Variants in STXBP5L observed in about 807,000 individuals in gnomAD.
STXBP5L encodes syntaxin-binding protein 5-like.
In STXBP5L, 65 loss-of-function variants were observed where a neutral mutation model predicts 144.5. The ratio of observed to expected loss-of-function variants is 0.45; its 90% confidence interval spans 0.37 to 0.55. The LOEUF (loss-of-function observed/expected upper bound fraction) is 0.55, where lower values mean the gene tolerates loss of function less well. Ranked by LOEUF, STXBP5L falls within the 20% of genes least tolerant of loss-of-function variation. The probability of loss-of-function intolerance (pLI) is 0.00; values close to 1 mark genes in which losing one functional copy is unlikely to be tolerated. For missense variants in STXBP5L, 1,298 were observed against 1,405.5 expected, an observed-to-expected ratio of 0.92 and a Z score of 1.22; for synonymous variants, 505 against 469.6, an observed-to-expected ratio of 1.08 and a Z score of -0.97.
At chr3:121,032,487 T>A (rs550909972) in intron 3 of STXBP5L, among the ~76,000 whole-genome samples, 210 of 151,880 alleles carry the variant, frequency 1.4e-3, no homozygotes, top group African/African-American at 4.6e-3. Flanking sequence ...AACCTAGGCA[T>A]TACCATTCAG....
At chr3:121,193,807 G>C (rs2047805361) in intron 9 of STXBP5L, among the ~76,000 whole-genome samples, 1 of 151,996 alleles carries the variant, frequency 6.6e-6, no homozygotes, top group African/African-American at 2.4e-5. Context: ...GGAACATCAT[G>C]CATGGGGGCC....
chr3:121,208,509 A>AT (rs1301979787), intron 10 of STXBP5L, among the ~76,000 whole-genome samples: 1 of 151,952 alleles, frequency 6.6e-6, no homozygotes, highest in Non-Finnish European at 1.5e-5. Context: ...TAACAAAAAA[A>AT]CCCACTGTTT....
intron 20 of STXBP5L, among the ~76,000 whole-genome samples, chr3:121,344,805 A>G (rs192500014): frequency 3.9e-5 from 6 of 151,978 alleles, no homozygotes. Flanking sequence ...AGGGAAATCA[A>G]TTGATACTAT....
intron 11 of STXBP5L, among the ~76,000 whole-genome samples, chr3:121,232,101 A>C (rs950151615): frequency 1.3e-5 from 2 of 152,194 alleles, no homozygotes; most frequent in African/African-American, 2.4e-5. Context: ...CTTGGCTGCC[A>C]CTGGCAGCTC....
Position 121,222,936 on chromosome 3 carries a change from T to G in STXBP5L, c.957-67T>G, listed in dbSNP as rs992300767. 7.7e-5 allele frequency: 117 copies of G among 1,513,622 alleles called. 1 individual carries two copies. In the Admixed American group the frequency reaches 2.5e-3, roughly 33 times the overall value. The allele number at this position is 1,513,622 out of a possible 1,614,324, so 93.8% of individuals were successfully genotyped here. ...TGCAACAAAACCTGTTCTTTATAGGTTCAGTCCTGTGACTTTGTGTCATTT... is the reference window on the plus strand; with the variant it reads ...TGCAACAAAACCTGTTCTTTATAGGGTCAGTCCTGTGACTTTGTGTCATTT... On this transcript the variant is annotated intron_variant, in intron 10 of 26. Transcript: ENST00000471454.
chr3:121,387,942 G>T (rs1408267683), intron 22 of STXBP5L, among the ~76,000 whole-genome samples: 2 of 152,170 alleles, frequency 1.3e-5, no homozygotes, highest in Non-Finnish European at 2.9e-5. Flanking sequence ...TGTGAAGAAA[G>T]TCATTGGTAG....
chr3:121,050,813 T>A (rs377239930), intron 5 of STXBP5L, among the ~76,000 whole-genome samples: 1 of 151,636 alleles, frequency 6.6e-6, no homozygotes, highest in Non-Finnish European at 1.5e-5. Context: ...AGTCAAGACC[T>A]ATCAGTGTGC....
At chr3:120,916,208 G>A (rs1709093179) in intron 2 of STXBP5L, among the ~76,000 whole-genome samples, 1 of 151,918 alleles carries the variant, frequency 6.6e-6, no homozygotes, top group Non-Finnish European at 1.5e-5. Context: ...TGAATATAAT[G>A]GTATATAATG....
intron 20 of STXBP5L, among the ~76,000 whole-genome samples, chr3:121,340,296 A>C (rs746020138): frequency 1.3e-5 from 2 of 152,084 alleles, no homozygotes; most frequent in Non-Finnish European, 2.9e-5. Flanking sequence ...AAAGGCATGG[A>C]ATATTATTTT....
At chr3:121,136,882 G>A (rs1205707595) in intron 7 of STXBP5L, among the ~76,000 whole-genome samples, 1 of 152,174 alleles carries the variant, frequency 6.6e-6, no homozygotes, top group African/African-American at 2.4e-5. Flanking sequence ...TATACACCAT[G>A]GAATACTACA....
chr3:121,108,803 T>C (rs2043837632), intron 5 of STXBP5L, among the ~76,000 whole-genome samples: 1 of 152,206 alleles, frequency 6.6e-6, no homozygotes, highest in Non-Finnish European at 1.5e-5. Context: ...AGCTCCGCTT[T>C]GTACCTCTGG....
At chr3:121,372,340 G>A (rs1311817647) in intron 20 of STXBP5L, among the ~76,000 whole-genome samples, 1 of 152,146 alleles carries the variant, frequency 6.6e-6, no homozygotes, top group East Asian at 1.9e-4. Flanking sequence ...AGCTCTTATG[G>A]GAGCAAGTTG....
intron 20 of STXBP5L, among the ~76,000 whole-genome samples, chr3:121,348,534 A>G (rs968521380): frequency 2.6e-5 from 4 of 152,138 alleles, no homozygotes; most frequent in Non-Finnish European, 5.9e-5. Flanking sequence ...AAGGAATGGT[A>G]ACAGCTCCTC....
At chr3:121,132,502 CT>C (rs1181870048) in intron 7 of STXBP5L, among the ~76,000 whole-genome samples, 4 of 152,186 alleles carry the variant, frequency 2.6e-5, no homozygotes, top group Non-Finnish European at 5.9e-5. Flanking sequence ...TCCTCAGAAT[CT>C]CTGTCTAGGC....
rs114054642 is a variant in STXBP5L at position 121,133,572 on chromosome 3, A to G, written c.669+11868A>G. On this transcript the variant is annotated intron_variant, in intron 7 of 26. Transcript: ENST00000471454. Reference sequence around the variant, plus strand: ...ATGTAAGAGAGATAAAACCTTTCCCAGACAAACAAAAGCTCAGGAAGTTTA... The same window carrying G: ...ATGTAAGAGAGATAAAACCTTTCCCGGACAAACAAAAGCTCAGGAAGTTTA... Among the ~76,000 whole-genome samples the G allele has an allele frequency of 1.3e-3, 193 of 152,312 alleles. 1 individual carries two copies. The highest frequency in any genetic ancestry group is 4.3e-3 in the African/African-American group (180 of 41,580).
At chr3:121,107,536 T>A (rs1464052119) in intron 5 of STXBP5L, among the ~76,000 whole-genome samples, 3 of 152,092 alleles carry the variant, frequency 2.0e-5, no homozygotes, top group Admixed American at 2.0e-4. Context: ...AGATGTGTGG[T>A]CTTATTTCTG....
chr3:121,045,509 C>G lies in STXBP5L; in HGVS notation c.444C>G (p.Leu148=), dbSNP rs769970527. The change falls in exon 5 of 27, where the codon CTC becomes CTG. Residue 148 remains leucine, a synonymous_variant. Coordinates refer to ENST00000471454, the MANE Select transcript of STXBP5L (RefSeq NM_001308330.2). ...WNLRQKRPAI[L]HSLKFNRERI... ...TTAGACAAAAAAGGCCAGCCATACT[C>G]CATTCTCTTAAATTTAACCGGGAAC... 2 of 1,612,856 alleles carry G rather than the reference C, an allele frequency of 1.2e-6. No individual in the cohort carries two copies. Among genetic ancestry groups the G allele is most frequent in the Non-Finnish European group, 8.5e-7 (1 of 1,179,324 alleles).
chr3:121,042,306 T>C lies in STXBP5L; in HGVS notation c.369+525T>C, dbSNP rs189701043. On this transcript the variant is annotated intron_variant, in intron 4 of 26. Transcript: ENST00000471454. ...GCTTTCTACTGTATCTACATTTTTA[T>C]AAAATTATGGTGATGAGGAACTCTC... 6.1e-4 allele frequency among the ~76,000 whole-genome samples: 93 copies of C among 152,308 alleles called. 1 individual carries two copies. Among genetic ancestry groups the C allele is most frequent in the Non-Finnish European group, 1.3e-4 (9 of 68,028 alleles).
chr3:121,053,783 C>T (rs1948222687), intron 5 of STXBP5L, among the ~76,000 whole-genome samples: 2 of 152,058 alleles, frequency 1.3e-5, no homozygotes, highest in Non-Finnish European at 2.9e-5. Flanking sequence ...AAAGAAACTA[C>T]CATCAGAGTG....
Sources: gnomAD v4.1 joint callset for allele counts (sites outside exome capture counted in the v4.1 genomes callset) on GRCh38, gnomAD v4.1.1 for gene constraint, MANE v1.5 for transcripts, NCBI Gene and HGNC (gene_info 2026-07-23, HGNC 2026-07-21) for gene names.